The following ELMO1 variants were observed in gnomAD, a reference collection of about 807,000 sequenced individuals.
The protein encoded by ELMO1 is engulfment and cell motility protein 1.
Under a neutral mutation model 98.9 loss-of-function variants are expected in ELMO1, and 26 were observed. That is an observed-to-expected ratio of 0.26 (90% CI 0.19 to 0.36). The LOEUF (loss-of-function observed/expected upper bound fraction) is 0.36, where lower values mean the gene tolerates loss of function less well. ELMO1 is among the 10% of genes least tolerant of loss of function. ELMO1 has a pLI of 1.00. For synonymous variants in ELMO1, 346 were observed against 346.0 expected, an observed-to-expected ratio of 1.00 and a Z score of 0.00; for missense variants, 627 against 935.2, an observed-to-expected ratio of 0.67 and a Z score of 4.30.
intron 10 of ELMO1, among the ~76,000 whole-genome samples, chr7:37,218,161 TTC>T (rs1412230138): frequency 5.3e-5 from 8 of 152,192 alleles, no homozygotes; most frequent in African/African-American, 1.9e-4. Flanking sequence ...CTGTTTTAAT[TTC>T]TTTCCTTTAA....
intron 1 of ELMO1, among the ~76,000 whole-genome samples, chr7:37,418,802 A>C (rs1804344433): frequency 6.6e-6 from 1 of 152,168 alleles, no homozygotes; most frequent in Non-Finnish European, 1.5e-5. Flanking sequence ...CATCAGGTTA[A>C]GCGTGGGAGG....
At position 37,224,054 on chromosome 7, in the gene ELMO1, G is replaced by A. The variant is rs73341973; in HGVS notation, c.701+825C>T. ...GAAAAGGCCATCTGCTGAGGACTCC[G>A]GGGAAGCTATGGTTTCTCTCCTTCT... is the stretch of plus-strand genomic sequence containing the variant. On this transcript the variant is annotated intron_variant, in intron 9 of 21. Coordinates refer to ENST00000310758, the MANE Select transcript of ELMO1 (RefSeq NM_014800.11). 1.1e-3 allele frequency among the ~76,000 whole-genome samples: 167 copies of A among 152,260 alleles called. 1 individual carries two copies. The highest frequency in any genetic ancestry group is 0.011 in the East Asian group (56 of 5,182).
chr7:37,123,501 A>G (rs1014610761), intron 14 of ELMO1, among the ~76,000 whole-genome samples: 1 of 152,254 alleles, frequency 6.6e-6, no homozygotes, highest in Non-Finnish European at 1.5e-5. Context: ...GGAGAATACT[A>G]TAAACACCTC....
intron 15 of ELMO1, among the ~76,000 whole-genome samples, chr7:37,068,369 TA>T (rs1797093096): frequency 6.6e-6 from 1 of 152,198 alleles, no homozygotes; most frequent in African/African-American, 2.4e-5. Context: ...CTATTCTTAG[TA>T]ATAGAATATT....
At chr7:36,936,154 GCA>G (rs772620644) in intron 16 of ELMO1, among the ~76,000 whole-genome samples, 3 of 152,144 alleles carry the variant, frequency 2.0e-5, no homozygotes, top group Non-Finnish European at 4.4e-5. Flanking sequence ...ATAGAAGTGG[GCA>G]CAAATTCAAG....
intron 10 of ELMO1, among the ~76,000 whole-genome samples, chr7:37,218,581 T>C (rs1309967445): frequency 4.6e-5 from 7 of 152,248 alleles, no homozygotes; most frequent in East Asian, 3.8e-4. Flanking sequence ...GAATATTTTA[T>C]AGCATTAAAA....
intron 16 of ELMO1, among the ~76,000 whole-genome samples, chr7:37,004,489 G>A (rs950674772): frequency 8.5e-5 from 13 of 152,174 alleles, no homozygotes; most frequent in African/African-American, 2.9e-4. Context: ...TCCAGCAGAA[G>A]AACAAATCAA....
intron 15 of ELMO1, among the ~76,000 whole-genome samples, chr7:37,034,969 A>G (rs1387617904): frequency 1.3e-5 from 2 of 152,206 alleles, no homozygotes; most frequent in African/African-American, 4.8e-5. Flanking sequence ...CTTTATAGAT[A>G]AAGGCAGCCC....
chr7:37,180,263 C>T (rs963288221), intron 13 of ELMO1, among the ~76,000 whole-genome samples: 5 of 152,096 alleles, frequency 3.3e-5, no homozygotes, highest in African/African-American at 1.2e-4. Context: ...ATGCCGTCTC[C>T]GTGCCATCAC....
chr7:37,012,228 T>C (rs571546700), intron 16 of ELMO1, among the ~76,000 whole-genome samples: 4 of 152,344 alleles, frequency 2.6e-5, no homozygotes, highest in Non-Finnish European at 5.9e-5. Context: ...TTCTTTCTTT[T>C]CAATTGGTGT....
intron 1 of ELMO1, among the ~76,000 whole-genome samples, chr7:37,411,823 C>T (rs1392766922): frequency 2.0e-5 from 3 of 152,214 alleles, no homozygotes. Context: ...CCCACTCCAG[C>T]AGGAACGTCA....
At chr7:37,265,038 C>T (rs1796167063) in intron 5 of ELMO1, among the ~76,000 whole-genome samples, 1 of 152,148 alleles carries the variant, frequency 6.6e-6, no homozygotes. Flanking sequence ...TCCTCCATAC[C>T]TTTTCTACTC....
chr7:36,999,463 C>G (rs989257674), intron 16 of ELMO1, among the ~76,000 whole-genome samples: 4 of 152,190 alleles, frequency 2.6e-5, no homozygotes, highest in African/African-American at 9.7e-5. Flanking sequence ...CCTGCTCAAG[C>G]TCACCCAGCA....
At chr7:36,984,622 A>G (rs1454289980) in intron 16 of ELMO1, among the ~76,000 whole-genome samples, 1 of 152,228 alleles carries the variant, frequency 6.6e-6, no homozygotes, top group African/African-American at 2.4e-5. Context: ...CATTTTTTAA[A>G]AAGGACAACC....
At chr7:37,011,228 G>T (rs1416741681) in intron 16 of ELMO1, among the ~76,000 whole-genome samples, 1 of 152,304 alleles carries the variant, frequency 6.6e-6, no homozygotes, top group African/African-American at 2.4e-5. Flanking sequence ...ACTCTGGGGG[G>T]CTTGCTGTCA....
chr7:37,267,038 T>TACAC (rs60344761), intron 5 of ELMO1, among the ~76,000 whole-genome samples: 28 of 100,312 alleles, frequency 2.8e-4, no homozygotes, highest in South Asian at 1.0e-3. Flanking sequence ...TATGTATATA[T>TACAC]ACACACACAC....
chr7:37,396,377 C>G (rs763810155), intron 1 of ELMO1, among the ~76,000 whole-genome samples: 1 of 151,300 alleles, frequency 6.6e-6, no homozygotes, highest in Non-Finnish European at 1.5e-5. Context: ...AGCGAGACTC[C>G]GTCTCTACAA....
At chr7:36,911,874 GTCATTAATCAGTCCCCACATA>G (rs1463183953) in intron 16 of ELMO1, among the ~76,000 whole-genome samples, 26 of 152,226 alleles carry the variant, frequency 1.7e-4, no homozygotes, top group Admixed American at 6.5e-4. Flanking sequence ...CTCCCCACAT[GTCATTAATCAGTCCCCACATA>G]TCATTAATCA....
At chr7:37,361,006 A>G (rs1801678082) in intron 1 of ELMO1, among the ~76,000 whole-genome samples, 1 of 150,058 alleles carries the variant, frequency 6.7e-6, no homozygotes, top group African/African-American at 2.4e-5. Context: ...TTACTTCAGT[A>G]CACACTCATT....
Sources: allele counts gnomAD v4.1 joint callset (sites outside exome capture counted in the v4.1 genomes callset), GRCh38; gene constraint gnomAD v4.1.1; transcripts MANE v1.5; gene names NCBI Gene and HGNC (gene_info 2026-07-23, HGNC 2026-07-21).